The following MAP7D2 variants were observed in gnomAD, a reference collection of about 807,000 sequenced individuals.
MAP7D2 encodes MAP7 domain-containing protein 2.
In MAP7D2, 33 loss-of-function variants were observed where a neutral mutation model predicts 63.5. That is an observed-to-expected ratio of 0.52 (90% CI 0.39 to 0.70). The LOEUF (loss-of-function observed/expected upper bound fraction) is 0.70, where lower values mean the gene tolerates loss of function less well. Among genes scored for constraint, MAP7D2 ranks in the 30% least tolerant of loss-of-function variants. The pLI is 0.00. For missense variants in MAP7D2, 626 were observed against 604.0 expected (o/e 1.04, Z -0.38); for synonymous variants, 224 against 223.7 (o/e 1.00, Z -0.01).
intron 11 of MAP7D2, 65 bp from the exon 12 acceptor site, chrX:20,015,392 T>A (rs2073351650): frequency 1.1e-6 from 1 of 925,738 alleles, no homozygotes. Context: ...GGTAATTCCC[T>A]GGCTTTGCAC....
intron 6 of MAP7D2, among the ~76,000 whole-genome samples, chrX:20,047,115 A>G (rs2064817898): frequency 1.8e-5 from 2 of 112,197 alleles, no homozygotes; most frequent in Admixed American, 9.4e-5. Context: ...TGCACTTGCC[A>G]GGAAGATGAA....
At chrX:20,109,600 T>G (rs1444133194) in intron 1 of MAP7D2, among the ~76,000 whole-genome samples, 1 of 110,468 alleles carries the variant, frequency 9.1e-6, no homozygotes, top group Non-Finnish European at 1.9e-5. Flanking sequence ...TGCCACTTAC[T>G]GTGTGCCCTT....
intron 2 of MAP7D2, among the ~76,000 whole-genome samples, chrX:20,064,418 T>G (rs1225765939): frequency 8.9e-6 from 1 of 112,103 alleles, no homozygotes; most frequent in Admixed American, 9.4e-5. Context: ...TGTACACAGT[T>G]GACACTTGAA....
intron 1 of MAP7D2, among the ~76,000 whole-genome samples, chrX:20,092,605 A>T (rs2066099595): frequency 8.9e-6 from 1 of 112,040 alleles, no homozygotes; most frequent in Non-Finnish European, 1.9e-5. Flanking sequence ...TGGTATATAA[A>T]GCCTCTGAAC....
chrX:20,065,532 G>C (rs2065335304), intron 1 of MAP7D2, among the ~76,000 whole-genome samples: 1 of 111,012 alleles, frequency 9.0e-6, no homozygotes, highest in Admixed American at 9.6e-5. Context: ...CTCCCAAAGT[G>C]CTGGGATTAC....
chrX:20,100,242 A>T (rs1454715755), intron 1 of MAP7D2, among the ~76,000 whole-genome samples: 1 of 112,326 alleles, frequency 8.9e-6, no homozygotes, highest in African/African-American at 3.2e-5. Flanking sequence ...ACTGGAGCAA[A>T]GGAGGATGCA....
At chrX:20,040,506 C>A (rs924942385) in intron 8 of MAP7D2, among the ~76,000 whole-genome samples, 17 of 111,924 alleles carry the variant, frequency 1.5e-4, no homozygotes, top group African/African-American at 5.5e-4. Context: ...CCTCACTGAG[C>A]TCAATCATTT....
rs773683594 is a variant in MAP7D2 at position 20,013,591 on chromosome X, C to T, written c.1784G>A (p.Ser595Asn). The T allele has an allele frequency of 8.4e-7, 1 of 1,197,472 alleles. No individual in the cohort carries two copies. The highest frequency in any genetic ancestry group is 1.1e-6 in the Non-Finnish European group (1 of 886,396). The change falls in exon 13 of 17, where the codon AGT (serine) becomes AAT (asparagine). Residue 595 changes from serine to asparagine, a missense_variant. By Grantham distance (46) the Ser-to-Asn change is conservative. Coordinates refer to ENST00000379643, the MANE Select transcript of MAP7D2 (RefSeq NM_001168465.2). ...IDEIMKRTRK[S>N]DVSPQVKKED... ...TACCTTCACTTGTGGAGACACATCACTTTTCCTTGTTCTCTTCATGATTTC... is the reference window on the plus strand; with the variant it reads ...TACCTTCACTTGTGGAGACACATCATTTTTCCTTGTTCTCTTCATGATTTC...
At chrX:20,074,130 C>T (rs1360892160) in intron 1 of MAP7D2, among the ~76,000 whole-genome samples, 3 of 99,995 alleles carry the variant, frequency 3.0e-5, no homozygotes, top group Non-Finnish European at 4.0e-5. Context: ...AGTGAAACTC[C>T]GTCTCAAAAA....
At chrX:20,020,512 T>A (rs1039592184) in intron 10 of MAP7D2, among the ~76,000 whole-genome samples, 1 of 112,160 alleles carries the variant, frequency 8.9e-6, no homozygotes, top group African/African-American at 3.2e-5. Flanking sequence ...TCGTCTTTGA[T>A]AAGCCTATGT....
chrX:20,094,491 T>C (rs180690477), intron 1 of MAP7D2, among the ~76,000 whole-genome samples: 836 of 13,890 alleles, frequency 0.06, 27 homozygotes, highest in Non-Finnish European at 0.09. Flanking sequence ...TACATACATA[T>C]ATATATATAT....
intron 3 of MAP7D2, 65 bp downstream of exon 3, chrX:20,063,349 C>T: frequency 1.7e-6 from 2 of 1,151,622 alleles, no homozygotes; most frequent in Non-Finnish European, 2.3e-6. Flanking sequence ...GGGCAGGATG[C>T]CCAGGCACTC....
chrX:20,042,826 C>T (rs562095995), intron 7 of MAP7D2, among the ~76,000 whole-genome samples, 197 bp from the exon 8 acceptor site: 1 of 112,270 alleles, frequency 8.9e-6, no homozygotes, highest in East Asian at 2.8e-4. Flanking sequence ...TAAAAAAAAT[C>T]AGCCTCAAAA....
In MAP7D2 at chrX:20,101,667, T is replaced by C. The variant is rs919294037; in HGVS notation, c.130+15083A>G. Among the ~76,000 whole-genome samples, 15 of 112,505 alleles carry C rather than the reference T, an allele frequency of 1.3e-4. No homozygotes were observed. In the East Asian group the frequency reaches 2.5e-3, roughly 19 times the overall value. On this transcript the variant is annotated intron_variant, in intron 1 of 16. Coordinates refer to ENST00000379643, the MANE Select transcript of MAP7D2 (RefSeq NM_001168465.2). The stretch of plus-strand genomic sequence containing the variant: ...AAACAATGTCCATCCAGCAAGAGAA[T>C]TGATAAAACAAATTGTGATACAGTC...
At chrX:20,076,358 A>G (rs1380756980) in intron 1 of MAP7D2, among the ~76,000 whole-genome samples, 1 of 111,849 alleles carries the variant, frequency 8.9e-6, no homozygotes, top group African/African-American at 3.3e-5. Flanking sequence ...TAAGTTCAAT[A>G]ACTACTGACT....
chrX:20,097,332 A>T, intron 1 of MAP7D2, among the ~76,000 whole-genome samples: 1 of 112,122 alleles, frequency 8.9e-6, no homozygotes, highest in Non-Finnish European at 1.9e-5. Flanking sequence ...AGCTCCAGAC[A>T]GTCAGATGAC....
intron 9 of MAP7D2, 107 bp downstream of exon 9, chrX:20,025,574 C>T (rs1380816624): frequency 3.0e-6 from 3 of 1,003,477 alleles, no homozygotes; most frequent in Non-Finnish European, 2.7e-6. Context: ...ATGCACTTGT[C>T]CCCAGAGAAA....
intron 1 of MAP7D2, among the ~76,000 whole-genome samples, chrX:20,068,970 G>A (rs769562994): frequency 3.1e-4 from 34 of 111,138 alleles, no homozygotes; most frequent in Non-Finnish European, 4.2e-4. Flanking sequence ...AATGCCTTTC[G>A]CCTCCCTCCA....
chrX:20,010,692 T>C (rs1304913290), intron 16 of MAP7D2, 85 bp downstream of exon 16: 1 of 837,946 alleles, frequency 1.2e-6, no homozygotes, highest in Non-Finnish European at 1.7e-6. Context: ...AATTTGACCA[T>C]CCAAGAGGCT....
Sources: gnomAD v4.1 joint callset for allele counts (sites outside exome capture counted in the v4.1 genomes callset) on GRCh38, gnomAD v4.1.1 for gene constraint, MANE v1.5 for transcripts, NCBI Gene and HGNC (gene_info 2026-07-23, HGNC 2026-07-21) for gene names.